The following RC3H2 variants were observed in gnomAD, a reference collection of about 807,000 sequenced individuals.
RC3H2 encodes the protein roquin-2.
A neutral mutation model predicts 133.3 loss-of-function variants in RC3H2; 31 were observed. That is an observed-to-expected ratio of 0.23 (90% confidence interval 0.17 to 0.31). RC3H2 has a LOEUF of 0.31. RC3H2 is among the 10% of genes least tolerant of loss of function. The probability of loss-of-function intolerance (pLI) is 1.00; values close to 1 mark genes in which losing one functional copy is unlikely to be tolerated. For synonymous variants in RC3H2, 517 were observed against 502.2 expected, an observed-to-expected ratio of 1.03 and a Z score of -0.40; for missense variants, 1,175 against 1,437.2, an observed-to-expected ratio of 0.82 and a Z score of 2.95.
chr9:122,901,877 C>T (rs1329873305), intron 1 of RC3H2, among the ~76,000 whole-genome samples: 3 of 151,326 alleles, frequency 2.0e-5, no homozygotes, highest in Non-Finnish European at 4.4e-5. Flanking sequence ...GCATGAGCCT[C>T]GGCGCCCAGT....
chr9:122,904,888 T>C (rs957769956), intron 1 of RC3H2, among the ~76,000 whole-genome samples: 2 of 152,192 alleles, frequency 1.3e-5, no homozygotes, highest in African/African-American at 4.8e-5. Context: ...GGTGGCCATT[T>C]GAGCCGGTCG....
At chr9:122,898,011 G>T (rs1832492538) in intron 1 of RC3H2, 1 of 153,504 alleles carries the variant, frequency 6.5e-6, no homozygotes, top group Non-Finnish European at 1.4e-5. Flanking sequence ...AGGAGTTAAT[G>T]AACTTTGGAA....
At chr9:122,879,945 C>T (rs1472228216) in intron 7 of RC3H2, 48 bp downstream of exon 7, 1 of 1,612,110 alleles carries the variant, frequency 6.2e-7, no homozygotes, top group Admixed American at 1.7e-5. Context: ...GTGTTATTCA[C>T]CTCAAAAGTA....
Position 122,851,366 on chromosome 9 carries a change from G to A in RC3H2, c.3188C>T (p.Ala1063Val). 6.2e-7 allele frequency: 1 copy of A among 1,614,196 alleles called. No homozygotes were observed. The highest frequency in any genetic ancestry group is 8.5e-7 in the Non-Finnish European group (1 of 1,180,026). ...PDRDIELELS[A>V]LDTDEPDGQS... is the part of the protein sequence containing the mutation. ...TCCATCAGGTTCATCAGTATCAAGT[G>A]CTGAAAGCTCTAACTCGATATCCCT... The change falls in exon 19 of 21, where the codon GCA becomes GTA. Residue 1063 changes from alanine to valine, a missense_variant. Physicochemically the swap from Ala to Val is moderately conservative, Grantham distance 64. Transcript: ENST00000357244.
Position 122,849,605 on chromosome 9 carries a change from A to AGC in RC3H2, c.*21_*22insGC. The AGC allele has an allele frequency of 6.4e-7, 1 of 1,573,162 alleles. No homozygotes were observed. Among genetic ancestry groups the AGC allele is most frequent in the Non-Finnish European group, 8.7e-7 (1 of 1,148,116 alleles). On this transcript the variant is annotated 3_prime_UTR_variant, in exon 21 of 21. Coordinates refer to ENST00000357244, the MANE Select transcript of RC3H2 (RefSeq NM_001100588.3). Reference sequence around the variant, plus strand: ...TAAATGCTTCCATGGTGTGGTCACAAATTTGAAAGATGAACCTCCTTTCAG... The same window carrying AGC: ...TAAATGCTTCCATGGTGTGGTCACAAGCATTTGAAAGATGAACCTCCTTTCAG...
chr9:122,863,306 TTTC>T (rs1460805818), intron 10 of RC3H2, among the ~76,000 whole-genome samples: 1 of 152,194 alleles, frequency 6.6e-6, no homozygotes, highest in Non-Finnish European at 1.5e-5. Flanking sequence ...TTTACAAAAT[TTTC>T]TTGCCAAAAA....
At chr9:122,857,413 T>C (rs1040965975) in intron 13 of RC3H2, among the ~76,000 whole-genome samples, 1 of 152,230 alleles carries the variant, frequency 6.6e-6, no homozygotes, top group Non-Finnish European at 1.5e-5. Context: ...AATAATACTG[T>C]AGGTATTTCT....
chr9:122,853,882 G>C (rs1564283073), intron 18 of RC3H2, 70 bp downstream of exon 18: 1 of 1,613,980 alleles, frequency 6.2e-7, no homozygotes, highest in Admixed American at 1.7e-5. Flanking sequence ...ACTCAGTAAT[G>C]GTATAACCAA....
Position 122,867,231 on chromosome 9 carries a change from T to TG in RC3H2, c.1326-1575dup, listed in dbSNP as rs1280109857. Among the ~76,000 whole-genome samples the TG allele has an allele frequency of 8.1e-5, 6 of 74,102 alleles. No individual in the cohort carries two copies. The East Asian group carries it at 1.9e-3, about 24-fold the overall frequency. 48.6% of individuals were successfully genotyped at this position (74,102 alleles called of 152,430 possible). On this transcript the variant is annotated intron_variant, in intron 9 of 20. Coordinates refer to ENST00000357244, the MANE Select transcript of RC3H2 (RefSeq NM_001100588.3). The stretch of plus-strand genomic sequence containing the variant: ...GCAGCCACCCCGTCCGGGAGGGAGG[T>TG]GGGGGGATCAGCCCCCCGCCCGGCC...
chr9:122,892,715 C>T (rs1042262818), intron 3 of RC3H2, among the ~76,000 whole-genome samples, 194 bp downstream of exon 3: 3 of 151,868 alleles, frequency 2.0e-5, no homozygotes, highest in Admixed American at 6.6e-5. Context: ...CCGGCTCTAG[C>T]TTGAATTCTT....
Position 122,880,808 on chromosome 9 carries a change from A to G in RC3H2, c.760-14T>C. 1 of 1,598,152 alleles carries G rather than the reference A, an allele frequency of 6.3e-7. No individual in the cohort carries two copies. The highest frequency in any genetic ancestry group is 8.6e-7 in the Non-Finnish European group (1 of 1,165,788). On this transcript the variant is annotated splice_polypyrimidine_tract_variant and intron_variant, in intron 5 of 20. Transcript: ENST00000357244. The stretch of plus-strand genomic sequence containing the variant: ...TCTTTTGGTAACCTAAAAAATAGAA[A>G]AGAGAAAAATCAGAATTGGTCTGTG...
chr9:122,859,441 A>G (rs1830376333), intron 11 of RC3H2, among the ~76,000 whole-genome samples: 2 of 151,914 alleles, frequency 1.3e-5, no homozygotes, highest in Non-Finnish European at 2.9e-5. Flanking sequence ...TTAACATTCA[A>G]CACTTTGCTA....
chr9:122,900,366 T>C (rs997687355), intron 1 of RC3H2, among the ~76,000 whole-genome samples: 1 of 152,168 alleles, frequency 6.6e-6, no homozygotes, highest in African/African-American at 2.4e-5. Flanking sequence ...AACGCTTTGA[T>C]TTTCCAAATA....
intron 1 of RC3H2, among the ~76,000 whole-genome samples, chr9:122,902,795 G>A (rs1013877004): frequency 2.7e-5 from 4 of 147,582 alleles, no homozygotes; most frequent in African/African-American, 7.6e-5. Flanking sequence ...AGGTTGCAGT[G>A]AACCCGAATG....
intron 9 of RC3H2, among the ~76,000 whole-genome samples, chr9:122,866,139 ATAATT>A (rs917422819): frequency 6.6e-6 from 1 of 152,210 alleles, no homozygotes; most frequent in Admixed American, 6.5e-5. Context: ...ATTTAAAAAA[ATAATT>A]TAAAAAACTC....
chr9:122,855,931 G>T, intron 13 of RC3H2, 53 bp from the exon 14 acceptor site: 1 of 1,437,018 alleles, frequency 7.0e-7, no homozygotes, highest in Non-Finnish European at 9.5e-7. Context: ...AAATTTACAA[G>T]CTTGTAACTA....
At chr9:122,870,050 A>G (rs1830996813) in intron 9 of RC3H2, among the ~76,000 whole-genome samples, 1 of 152,080 alleles carries the variant, frequency 6.6e-6, no homozygotes, top group African/African-American at 2.4e-5. Context: ...TCCTATACAG[A>G]ATATCGTGTC....
At chr9:122,894,288 C>G (rs958580176) in intron 2 of RC3H2, among the ~76,000 whole-genome samples, 1 of 151,662 alleles carries the variant, frequency 6.6e-6, no homozygotes, top group Non-Finnish European at 1.5e-5. Context: ...TGCAATTCAA[C>G]AAATAATTAT....
At chr9:122,854,641 G>C (rs200992332) in intron 15 of RC3H2, 26 bp from the exon 16 acceptor site, 21 of 1,502,448 alleles carry the variant, frequency 1.4e-5, no homozygotes, top group Non-Finnish European at 1.9e-5. Flanking sequence ...ATGAAACAAT[G>C]GTCAAAAAAG....
Sources: allele counts gnomAD v4.1 joint callset (sites outside exome capture counted in the v4.1 genomes callset), GRCh38; gene constraint gnomAD v4.1.1; transcripts MANE v1.5; gene names NCBI Gene and HGNC (gene_info 2026-07-23, HGNC 2026-07-21).